Variants in DLG2 observed in about 807,000 individuals in gnomAD.
DLG2 encodes the protein disks large homolog 2.
DLG2 carries 45 observed loss-of-function variants against 132.5 expected under a neutral mutation model. The ratio of observed to expected loss-of-function variants is 0.34; its 90% CI spans 0.27 to 0.44. DLG2 has a LOEUF of 0.44. Ranked by LOEUF, DLG2 falls within the 20% of genes least tolerant of loss-of-function variation. DLG2 has a pLI of 1.00. For missense variants in DLG2, 1,045 were observed against 1,196.9 expected (o/e 0.87, Z 1.87); for synonymous variants, 424 against 419.6 (o/e 1.01, Z -0.13).
At chr11:85,350,093 T>A (rs1447102459) in intron 3 of DLG2, among the ~76,000 whole-genome samples, 1 of 152,246 alleles carries the variant, frequency 6.6e-6, no homozygotes. Flanking sequence ...GACTTTTTAA[T>A]GATTGCCATT....
intron 2 of DLG2, among the ~76,000 whole-genome samples, chr11:85,616,048 T>G (rs572175860): frequency 3.8e-4 from 58 of 152,344 alleles, no homozygotes; most frequent in African/African-American, 1.3e-3. Flanking sequence ...ATACTTAAGT[T>G]TTAACAGGAA....
intron 6 of DLG2, among the ~76,000 whole-genome samples, chr11:84,739,585 A>G (rs2064318550): frequency 6.6e-6 from 1 of 152,210 alleles, no homozygotes; most frequent in African/African-American, 2.4e-5. Context: ...AGGAAAGCCT[A>G]AAGTTTTAGA....
chr11:83,480,246 C>A (rs2092993523), intron 22 of DLG2: 1 of 749,190 alleles, frequency 1.3e-6, no homozygotes, highest in Non-Finnish European at 2.2e-6. Context: ...TCATTTCAAG[C>A]CATTTGCTTT....
chr11:83,959,840 C>T (rs2154154585), intron 14 of DLG2, among the ~76,000 whole-genome samples: 1 of 152,016 alleles, frequency 6.6e-6, no homozygotes, highest in South Asian at 2.1e-4. Flanking sequence ...ATTTTTTAAT[C>T]TGTAAAAATC....
chr11:84,937,723 T>C (rs80287484), intron 6 of DLG2, among the ~76,000 whole-genome samples: 3,355 of 152,274 alleles, frequency 0.022, 62 homozygotes, highest in Admixed American at 0.043. Flanking sequence ...ATGAATTAAA[T>C]ACAGGAATTT....
At chr11:83,881,848 A>G (rs2066350410) in intron 15 of DLG2, among the ~76,000 whole-genome samples, 1 of 152,218 alleles carries the variant, frequency 6.6e-6, no homozygotes. Flanking sequence ...ATGTTGCAAA[A>G]ATGAAATGTG....
chr11:85,017,767 GCAAA>G (rs1030799488), intron 6 of DLG2, among the ~76,000 whole-genome samples: 3 of 152,148 alleles, frequency 2.0e-5, no homozygotes, highest in African/African-American at 7.2e-5. Context: ...CATATAGGAT[GCAAA>G]CAAACACTTG....
intron 6 of DLG2, among the ~76,000 whole-genome samples, chr11:84,703,188 A>C (rs1565707560): frequency 6.6e-6 from 1 of 151,768 alleles, no homozygotes; most frequent in African/African-American, 2.4e-5. Context: ...AAGTGTTCCT[A>C]TGCTTAGATT....
At chr11:84,464,917 C>T (rs1241133767) in intron 7 of DLG2, among the ~76,000 whole-genome samples, 1 of 151,096 alleles carries the variant, frequency 6.6e-6, no homozygotes, top group Non-Finnish European at 1.5e-5. Context: ...CTCGGAATCA[C>T]ATGAATGACC....
chr11:83,469,834 GTGTCAGTAAATTATCACC>G (rs1459075221), intron 24 of DLG2, among the ~76,000 whole-genome samples: 1 of 152,140 alleles, frequency 6.6e-6, no homozygotes, highest in African/African-American at 2.4e-5. Flanking sequence ...AGAAGCTGCT[GTGTCAGTAAATTATCACC>G]TGTCAGAACA....
In DLG2 at chr11:84,405,825, A is replaced by G. The variant is rs181268932; in HGVS notation, c.519+128745T>C. On this transcript the variant is annotated intron_variant, in intron 7 of 27. Transcript: ENST00000376104. ...GTGATATATAAAAACTCAATTCACA[A>G]TTTTCTAGTTGTCTGCCCTTGTCTC... Among the ~76,000 whole-genome samples the G allele has an allele frequency of 2.0e-3, 307 of 152,260 alleles. 1 individual carries two copies. The highest frequency in any genetic ancestry group is 6.4e-3 in the African/African-American group (264 of 41,564).
intron 16 of DLG2, among the ~76,000 whole-genome samples, chr11:83,867,412 GA>G (rs1163099690): frequency 6.6e-6 from 1 of 151,950 alleles, no homozygotes; most frequent in African/African-American, 2.4e-5. Context: ...CTTAAATATA[GA>G]AAAAATATTC....
At chr11:85,538,874 T>C (rs758227629) in intron 3 of DLG2, among the ~76,000 whole-genome samples, 3 of 151,688 alleles carry the variant, frequency 2.0e-5, no homozygotes, top group Non-Finnish European at 4.4e-5. Context: ...TCAGGATAAA[T>C]AGCTAATGCA....
intron 3 of DLG2, among the ~76,000 whole-genome samples, chr11:85,465,588 G>C (rs12288531): frequency 4.5e-4 from 69 of 152,020 alleles, no homozygotes; most frequent in Non-Finnish European, 7.3e-4. Flanking sequence ...AGTTTGCTGA[G>C]AGTGATGGTT....
chr11:84,222,666 C>T (rs958894369), intron 8 of DLG2, among the ~76,000 whole-genome samples: 1 of 152,140 alleles, frequency 6.6e-6, no homozygotes, highest in Non-Finnish European at 1.5e-5. Context: ...GAACCTGAGG[C>T]TCACCTGGAG....
chr11:83,553,664 T>C (rs11233669), intron 19 of DLG2, among the ~76,000 whole-genome samples: 32,744 of 151,950 alleles, frequency 0.22, 3,702 homozygotes, highest in Non-Finnish European at 0.24. Flanking sequence ...AAATTGCTGA[T>C]AGCTGAAACA....
chr11:84,144,011 T>G (rs1461904865), intron 9 of DLG2, among the ~76,000 whole-genome samples: 3 of 152,040 alleles, frequency 2.0e-5, no homozygotes, highest in African/African-American at 7.2e-5. Flanking sequence ...TGAGGAATGA[T>G]TATGTTGACT....
chr11:85,494,992 C>T (rs551236844), intron 3 of DLG2, among the ~76,000 whole-genome samples: 3 of 152,002 alleles, frequency 2.0e-5, no homozygotes, highest in Non-Finnish European at 4.4e-5. Context: ...AAGTCCCACA[C>T]ATCAATAAGG....
In DLG2 at chr11:83,589,245, G is replaced by C. The variant is rs574679326; in HGVS notation, c.1940+43966C>G. 4.0e-5 allele frequency among the ~76,000 whole-genome samples: 6 copies of C among 151,580 alleles called. No homozygotes were observed. In the East Asian group the frequency reaches 1.2e-3, roughly 29 times the overall value. ...ATGTTAAGGGCAGCCAGAGAGAAAG[G>C]TCGGGTTACCCTCAAAGGGAAGCCC... is the stretch of plus-strand genomic sequence containing the variant. On this transcript the variant is annotated intron_variant, in intron 19 of 27. Coordinates refer to ENST00000376104, the MANE Select transcript of DLG2 (RefSeq NM_001142699.3).
Sources: allele counts gnomAD v4.1 joint callset (sites outside exome capture counted in the v4.1 genomes callset), GRCh38; gene constraint gnomAD v4.1.1; transcripts MANE v1.5; gene names NCBI Gene and HGNC (gene_info 2026-07-23, HGNC 2026-07-21).